EPS8L2: variants seen among roughly 807,000 people sequenced by gnomAD.
The protein encoded by EPS8L2 is epidermal growth factor receptor kinase substrate 8-like protein 2.
A neutral mutation model predicts 99.4 loss-of-function variants in EPS8L2; 81 were observed. That is an observed-to-expected ratio of 0.82 (90% CI 0.68 to 0.98). The LOEUF (loss-of-function observed/expected upper bound fraction) is 0.98. EPS8L2 is among the 50% of genes least tolerant of loss of function. The pLI is 0.00. For missense variants in EPS8L2, 1,155 were observed against 968.8 expected, an observed-to-expected ratio of 1.19 and a Z score of -2.55; for synonymous variants, 509 against 407.3, an observed-to-expected ratio of 1.25 and a Z score of -3.01.
intron 4 of EPS8L2, among the ~76,000 whole-genome samples, chr11:715,968 C>CTTTTTT (rs150677634): frequency 1.1e-5 from 1 of 91,572 alleles, no homozygotes; most frequent in Non-Finnish European, 2.0e-5. Flanking sequence ...GATTATTTAT[C>CTTTTTT]TTTTTTTTTT....
In EPS8L2 at chr11:720,232, C is replaced by T; in HGVS notation, c.327+9C>T. 2 of 1,612,574 alleles carry T rather than the reference C, an allele frequency of 1.2e-6. No individual in the cohort carries two copies. Among genetic ancestry groups the T allele is most frequent in the Non-Finnish European group, 1.7e-6 (2 of 1,179,704 alleles). ...TGGACATCGAGTCACAGGTGGGGCCCAGCGCCACGGGGGACAGGGAGCACA... is the reference window on the plus strand; with the variant it reads ...TGGACATCGAGTCACAGGTGGGGCCTAGCGCCACGGGGGACAGGGAGCACA... On this transcript the variant is annotated intron_variant, in intron 5 of 20. Coordinates refer to ENST00000318562, the MANE Select transcript of EPS8L2 (RefSeq NM_022772.4).
chr11:724,591 C>T lies in EPS8L2; in HGVS notation c.1455-133C>T. On this transcript the variant is annotated intron_variant, in intron 15 of 20. Transcript: ENST00000318562. This position sits in a 1 kb window ranked among gnomAD's most constrained non-coding sequence, Gnocchi z 5.5. ...CGGGCTGACGCTGCCTGCAGCCTCT[C>T]TCCACGGTGACCTCCAGAACAGAAA... 7.6e-6 allele frequency: 5 copies of T among 655,272 alleles called. No homozygotes were observed. Among genetic ancestry groups the T allele is most frequent in the South Asian group, 6.9e-5 (4 of 58,340 alleles). 40.6% of individuals were successfully genotyped at this position (655,272 alleles called of 1,614,324 possible).
chr11:710,432 G>C lies in EPS8L2; in HGVS notation c.111G>C (p.Lys37Asn). 1 of 1,613,664 alleles carries C rather than the reference G, an allele frequency of 6.2e-7. No homozygotes were observed. The highest frequency in any genetic ancestry group is 8.5e-7 in the Non-Finnish European group (1 of 1,179,948). ...TGTCTCCCGGTTCAGAGCAGAGGAAGAAGTATTCCAACTCCAACGTCATCA... is the reference window on the plus strand; with the variant it reads ...TGTCTCCCGGTTCAGAGCAGAGGAACAAGTATTCCAACTCCAACGTCATCA... The part of the protein sequence containing the change: ...MSPKDLFEQR[K>N]KYSNSNVIMH... Residue 37 changes from lysine (K) to asparagine (N), a missense_variant, in exon 4 of 21, where the codon AAG (lysine) becomes AAC (asparagine). Coordinates refer to ENST00000318562, the MANE Select transcript of EPS8L2 (RefSeq NM_022772.4).
At chr11:722,572 C>A (rs376494628) in intron 13 of EPS8L2, 23 bp downstream of exon 13, 1 of 1,612,036 alleles carries the variant, frequency 6.2e-7, no homozygotes, top group East Asian at 2.2e-5. Flanking sequence ...AGAGCAGTGC[C>A]GGGGCTTCAT....
intron 4 of EPS8L2, among the ~76,000 whole-genome samples, chr11:713,504 C>T (rs1451507550): frequency 6.6e-6 from 1 of 152,242 alleles, no homozygotes; most frequent in African/African-American, 2.4e-5. Context: ...GCCTCAGCCT[C>T]CTGAGTAGCT....
chr11:716,526 G>T lies in EPS8L2; in HGVS notation c.166-3536G>T, dbSNP rs185326879. On this transcript the variant is annotated intron_variant, in intron 4 of 20. Transcript: ENST00000318562. ...CCCTCCTTGGCCTCCCAAAGTGCTG[G>T]GATTACAGGCGTGAGCCACCGTGCC... Among the ~76,000 whole-genome samples, 991 of 152,190 alleles carry T rather than the reference G, an allele frequency of 6.5e-3. 26 individuals are homozygous for T. Among genetic ancestry groups the T allele is most frequent in the Admixed American group, 0.057 (868 of 15,278 alleles).
chr11:721,118 C>A lies in EPS8L2; in HGVS notation c.612C>A (p.Gly204=). The change falls in exon 8 of 21, where the codon GGC becomes GGA. Residue 204 remains glycine (G), a synonymous_variant. Coordinates refer to ENST00000318562, the MANE Select transcript of EPS8L2 (RefSeq NM_022772.4). ...QRQSILPPPQ[G]PAPIPFQHRG... is the part of the protein sequence containing the mutation. ...AGTCCATCCTGCCTCCTCCCCAGGGCCCGGCGCCCATCCCCTTCCAGCACC... is the reference window on the plus strand; with the variant it reads ...AGTCCATCCTGCCTCCTCCCCAGGGACCGGCGCCCATCCCCTTCCAGCACC... The A allele has an allele frequency of 6.5e-7, 1 of 1,534,674 alleles. No homozygotes were observed. The highest frequency in any genetic ancestry group is 8.7e-7 in the Non-Finnish European group (1 of 1,142,944).
chr11:711,330 CTCTTT>C (rs1243963205), intron 4 of EPS8L2, among the ~76,000 whole-genome samples: 6 of 151,726 alleles, frequency 4.0e-5, no homozygotes, highest in African/African-American at 7.3e-5. Context: ...CTCTGTCTCT[CTCTTT>C]TCTTTTCTTT....
At chr11:717,599 C>G (rs529709422) in intron 4 of EPS8L2, among the ~76,000 whole-genome samples, 1 of 152,318 alleles carries the variant, frequency 6.6e-6, no homozygotes, top group East Asian at 1.9e-4. Flanking sequence ...CAATTCCTGG[C>G]TGGGCGAGGT....
intron 4 of EPS8L2, among the ~76,000 whole-genome samples, chr11:710,938 G>A (rs555168250): frequency 6.6e-6 from 1 of 152,202 alleles, no homozygotes; most frequent in Non-Finnish European, 1.5e-5. Context: ...CTCGCGGCCT[G>A]GGGGGTGAGG....
intron 18 of EPS8L2, 35 bp downstream of exon 18, chr11:726,205 C>A: frequency 6.3e-7 from 1 of 1,586,280 alleles, no homozygotes; most frequent in Non-Finnish European, 8.6e-7. Flanking sequence ...GGGTCCCGGG[C>A]CCAGGGCCAC....
At position 720,148 on chromosome 11, in the gene EPS8L2, G is replaced by A. The variant is rs1324524525; in HGVS notation, c.252G>A (p.Lys84=). The stretch of plus-strand genomic sequence containing the variant: ...GGAAGCTGGTGCAGCTGAGCTCCAA[G>A]GAGAAGATCTGGACCCAGGAGATGC... ...AIRKLVQLSS[K]EKIWTQEMLL... The change falls in exon 5 of 21, where the codon AAG becomes AAA. Residue 84 remains lysine (K), a synonymous_variant. Coordinates refer to ENST00000318562, the MANE Select transcript of EPS8L2 (RefSeq NM_022772.4). The A allele has an allele frequency of 6.2e-7, 1 of 1,613,478 alleles. No individual in the cohort carries two copies. Among genetic ancestry groups the A allele is most frequent in the Admixed American group, 1.7e-5 (1 of 60,022 alleles).
rs925566595 is a variant in EPS8L2 at position 726,523 on chromosome 11, G to T, written c.1934+39G>T. The stretch of plus-strand genomic sequence containing the variant: ...GGGGATGAGCTGGGGCCCGGGCGAG[G>T]GGTGGGAGGTGCGGCCGAAGGTGCG... On this transcript the variant is annotated intron_variant, in intron 19 of 20. Coordinates refer to ENST00000318562, the MANE Select transcript of EPS8L2 (RefSeq NM_022772.4). 2.0e-6 allele frequency: 3 copies of T among 1,517,652 alleles called. No individual in the cohort carries two copies. The African/African-American group carries it at 4.2e-5, about 21-fold the overall frequency. 94.0% of individuals were successfully genotyped at this position (1,517,652 alleles called of 1,614,324 possible).
At position 727,070 on chromosome 11, in the gene EPS8L2, C is replaced by T. The variant is rs1404114369; in HGVS notation, c.*89C>T. On this transcript the variant is annotated 3_prime_UTR_variant, in exon 21 of 21. Coordinates refer to ENST00000318562, the MANE Select transcript of EPS8L2 (RefSeq NM_022772.4). ...TTTTATATGTGTATGTATTTTGTAT[C>T]AAGGACACGGAGGGGGTGTGGTGCT... 1.1e-6 allele frequency: 1 copy of T among 949,744 alleles called. No individual in the cohort carries two copies. Among genetic ancestry groups the T allele is most frequent in the African/African-American group, 1.6e-5 (1 of 60,966 alleles). 58.8% of individuals were successfully genotyped at this position (949,744 alleles called of 1,614,324 possible). A position where few individuals can be genotyped will look rare whatever the true frequency, so the allele number is the denominator to read the frequency against.
chr11:715,607 CT>C (rs1338044509), intron 4 of EPS8L2, among the ~76,000 whole-genome samples: 2 of 142,522 alleles, frequency 1.4e-5, no homozygotes, highest in African/African-American at 5.2e-5. Flanking sequence ...TTCACTTTAT[CT>C]TTTTCTTTTG....
Position 720,668 on chromosome 11 carries a change from G to C in EPS8L2, c.399G>C (p.Pro133=), listed in dbSNP as rs139173072. 3.1e-6 allele frequency: 5 copies of C among 1,597,368 alleles called. No individual in the cohort carries two copies. In the Middle Eastern group the frequency reaches 5.0e-4, roughly 160 times the overall value. The change falls in exon 6 of 21, where the codon CCG becomes CCC. Residue 133 remains proline, a synonymous_variant. Coordinates refer to ENST00000318562, the MANE Select transcript of EPS8L2 (RefSeq NM_022772.4). ...SQTVLNQLRY[P]SVLLLVCQDS... is the part of the protein sequence containing the mutation. The stretch of plus-strand genomic sequence containing the variant: ...CGGTCCTCAACCAGCTGCGCTACCC[G>C]TCTGTGCTGCTGCTCGTGTGCCAGG...
intron 3 of EPS8L2, 145 bp from the exon 4 acceptor site, chr11:710,277 C>T (rs1248966624): frequency 1.1e-5 from 8 of 730,784 alleles, no homozygotes; most frequent in Non-Finnish European, 1.9e-5. Flanking sequence ...CCTGATTTCA[C>T]ACCCACATCC....
intron 4 of EPS8L2, among the ~76,000 whole-genome samples, chr11:713,527 G>A (rs979393653): frequency 2.0e-5 from 3 of 151,942 alleles, no homozygotes; most frequent in East Asian, 1.9e-4. Context: ...GACTACAGGC[G>A]CCCGCCACCA....
At chr11:722,948 C>CGGCCCCG (rs1862229276) in intron 14 of EPS8L2, 143 bp downstream of exon 14, 2 of 533,518 alleles carry the variant, frequency 3.7e-6, no homozygotes, top group African/African-American at 2.5e-5. Context: ...CTCCCCTCCC[C>CGGCCCCG]AGCCCCGACA....
Sources: gnomAD v4.1 joint callset for allele counts (sites outside exome capture counted in the v4.1 genomes callset) on GRCh38, gnomAD v4.1.1 for gene constraint, Gnocchi (gnomAD v3.1) non-coding constraint, MANE v1.5 for transcripts, NCBI Gene and HGNC (gene_info 2026-07-23, HGNC 2026-07-21) for gene names.